Variants in ADAMTS12 observed in about 807,000 individuals in gnomAD.
The protein encoded by ADAMTS12 is A disintegrin and metalloproteinase with thrombospondin motifs 12.
In ADAMTS12, 118 loss-of-function variants were observed where a neutral mutation model predicts 167.8. That is an observed-to-expected ratio of 0.70 (90% CI 0.61 to 0.82). The LOEUF is 0.82. Among genes scored for constraint, ADAMTS12 ranks in the 40% least tolerant of loss-of-function variants. The probability of loss-of-function intolerance (pLI) is 0.00; values close to 1 mark genes in which losing one functional copy is unlikely to be tolerated. For missense variants in ADAMTS12, 1,916 were observed against 1,998.8 expected (o/e 0.96, Z 0.79); for synonymous variants, 704 against 716.9 (o/e 0.98, Z 0.29).
chr5:33,720,528 CAAGA>C (rs1407830063), intron 3 of ADAMTS12, among the ~76,000 whole-genome samples: 2 of 152,062 alleles, frequency 1.3e-5, no homozygotes, highest in African/African-American at 2.4e-5. Flanking sequence ...TTTGCTGGCT[CAAGA>C]AAGAAAGATG....
intron 3 of ADAMTS12, among the ~76,000 whole-genome samples, chr5:33,698,771 C>G (rs1166652188): frequency 6.6e-6 from 1 of 152,212 alleles, no homozygotes; most frequent in East Asian, 1.9e-4. Context: ...AACCCCGTCT[C>G]TACTAAAAAT....
At chr5:33,616,544 C>A (rs370207370) in intron 14 of ADAMTS12, among the ~76,000 whole-genome samples, 1 of 152,266 alleles carries the variant, frequency 6.6e-6, no homozygotes, top group East Asian at 1.9e-4. Flanking sequence ...GTAATGTAAT[C>A]CTAGCTTCCA....
chr5:33,620,524 A>T (rs531296598), intron 14 of ADAMTS12, among the ~76,000 whole-genome samples: 49 of 152,370 alleles, frequency 3.2e-4, no homozygotes, highest in African/African-American at 1.1e-3. Flanking sequence ...CTATGAAATT[A>T]TTCTGGTAGT....
chr5:33,713,875 G>T (rs2112322443), intron 3 of ADAMTS12, among the ~76,000 whole-genome samples: 1 of 152,250 alleles, frequency 6.6e-6, no homozygotes, highest in East Asian at 1.9e-4. Flanking sequence ...AAAAAACCCA[G>T]TAAGAACTAG....
intron 16 of ADAMTS12, among the ~76,000 whole-genome samples, chr5:33,612,733 C>A (rs994327569): frequency 6.6e-6 from 1 of 152,128 alleles, no homozygotes; most frequent in Non-Finnish European, 1.5e-5. Flanking sequence ...CAAGCCCAGT[C>A]CCCGACCCTG....
intron 2 of ADAMTS12, among the ~76,000 whole-genome samples, chr5:33,872,645 T>C (rs1353729937): frequency 6.6e-6 from 1 of 151,952 alleles, no homozygotes; most frequent in African/African-American, 2.4e-5. Flanking sequence ...AACCCAACAA[T>C]GTATAAGAAG....
At chr5:33,559,136 G>A (rs1454724578) in intron 20 of ADAMTS12, among the ~76,000 whole-genome samples, 3 of 152,118 alleles carry the variant, frequency 2.0e-5, no homozygotes, top group African/African-American at 7.2e-5. Flanking sequence ...CTGGGGACAT[G>A]AGCTCTTCAC....
intron 22 of ADAMTS12, among the ~76,000 whole-genome samples, chr5:33,543,582 C>T (rs1579642731): frequency 6.6e-6 from 1 of 152,154 alleles, no homozygotes; most frequent in African/African-American, 2.4e-5. Context: ...AGACCAATAT[C>T]CATGATGAAC....
intron 23 of ADAMTS12, among the ~76,000 whole-genome samples, chr5:33,532,748 A>C (rs142059090): frequency 6.6e-6 from 1 of 152,314 alleles, no homozygotes; most frequent in East Asian, 1.9e-4. Context: ...AATGGTTTCT[A>C]AAAGAAGTAA....
At chr5:33,877,594 T>G (rs1015655327) in intron 2 of ADAMTS12, among the ~76,000 whole-genome samples, 1 of 152,068 alleles carries the variant, frequency 6.6e-6, no homozygotes, top group Non-Finnish European at 1.5e-5. Flanking sequence ...AATTCCACAA[T>G]GCCAAAGTTG....
chr5:33,748,860 C>T (rs73086137), intron 3 of ADAMTS12, among the ~76,000 whole-genome samples: 11 of 152,264 alleles, frequency 7.2e-5, no homozygotes, highest in African/African-American at 1.7e-4. Flanking sequence ...CCTGGTTCAG[C>T]AAGGCCAAGA....
intron 2 of ADAMTS12, among the ~76,000 whole-genome samples, chr5:33,835,906 C>CG (rs1748487733): frequency 8.8e-6 from 1 of 113,298 alleles, no homozygotes; most frequent in African/African-American, 4.4e-5. Context: ...GGATAATATC[C>CG]ATCTCTCTCT....
At chr5:33,699,733 C>T (rs1477075098) in intron 3 of ADAMTS12, among the ~76,000 whole-genome samples, 1 of 152,060 alleles carries the variant, frequency 6.6e-6, no homozygotes, top group East Asian at 1.9e-4. Flanking sequence ...CTCAAGAAAG[C>T]TTCTACTAAA....
intron 2 of ADAMTS12, among the ~76,000 whole-genome samples, chr5:33,799,371 C>T (rs572512475): frequency 1.3e-5 from 2 of 152,166 alleles, no homozygotes; most frequent in Non-Finnish European, 2.9e-5. Flanking sequence ...TCTACCTCAC[C>T]CTTTCCCAAG....
At chr5:33,645,026 G>A (rs373031401) in intron 9 of ADAMTS12, among the ~76,000 whole-genome samples, 9 of 152,130 alleles carry the variant, frequency 5.9e-5, no homozygotes, top group South Asian at 2.1e-4. Context: ...CACCGTACCC[G>A]GCCTAGGGTG....
At position 33,549,367 on chromosome 5, in the gene ADAMTS12, C is replaced by G; in HGVS notation, c.4142G>C (p.Ser1381Thr). The G allele has an allele frequency of 6.2e-7, 1 of 1,613,766 alleles. No homozygotes were observed. The highest frequency in any genetic ancestry group is 8.5e-7 in the Non-Finnish European group (1 of 1,179,662). Residue 1381 changes from serine (S) to threonine (T), a missense_variant, in exon 21 of 24, where the codon AGT becomes ACT. Ser to Thr is a moderately conservative substitution (Grantham distance 58). Transcript: ENST00000504830. The part of the protein sequence containing the change: ...GNWSKCSRNC[S>T]GGFKIREIQC... ...AATCTCGCGTATCTTGAAGCCCCCA[C>G]TGCAGTTTCTGGAGCACTGTATGGA...
chr5:33,739,954 T>C (rs552410491), intron 3 of ADAMTS12, among the ~76,000 whole-genome samples: 1 of 152,334 alleles, frequency 6.6e-6, no homozygotes, highest in African/African-American at 2.4e-5. Flanking sequence ...TTAAACCACA[T>C]TGGTGTGAAT....
intron 2 of ADAMTS12, among the ~76,000 whole-genome samples, chr5:33,830,553 C>A (rs1381285705): frequency 6.6e-6 from 1 of 152,140 alleles, no homozygotes; most frequent in Non-Finnish European, 1.5e-5. Flanking sequence ...CTTTGGGAGT[C>A]CAAGGCTGGA....
At chr5:33,629,691 C>T (rs59142449) in intron 13 of ADAMTS12, among the ~76,000 whole-genome samples, 52,305 of 151,752 alleles carry the variant, frequency 0.34, 10,111 homozygotes, top group African/African-American at 0.54. Flanking sequence ...CTTGGATTGG[C>T]GTCACCCTTG....
Sources: gnomAD v4.1 joint callset for allele counts (sites outside exome capture counted in the v4.1 genomes callset) on GRCh38, gnomAD v4.1.1 for gene constraint, MANE v1.5 for transcripts, NCBI Gene and HGNC (gene_info 2026-07-23, HGNC 2026-07-21) for gene names.